ZMAT4: variants seen among roughly 807,000 people sequenced by gnomAD.
The protein encoded by ZMAT4 is zinc finger matrin-type protein 4.
A neutral mutation model predicts 28.7 loss-of-function variants in ZMAT4; 17 were observed. That is an observed-to-expected ratio of 0.59 (90% CI 0.41 to 0.89). The LOEUF (loss-of-function observed/expected upper bound fraction) is 0.89, where lower values mean the gene tolerates loss of function less well. ZMAT4 is among the 40% of genes least tolerant of loss of function. The pLI, the probability that ZMAT4 is intolerant of heterozygous loss-of-function variation, is 0.00. For missense variants in ZMAT4, 240 were observed against 283.8 expected, an observed-to-expected ratio of 0.85 and a Z score of 1.11; for synonymous variants, 117 against 109.2, an observed-to-expected ratio of 1.07 and a Z score of -0.44.
intron 2 of ZMAT4, among the ~76,000 whole-genome samples, chr8:40,794,712 T>G (rs1483681915): frequency 6.6e-6 from 1 of 152,144 alleles, no homozygotes; most frequent in Non-Finnish European, 1.5e-5. Flanking sequence ...CTTTCCCCAG[T>G]GGACACAGGT....
At chr8:40,682,048 G>A (rs115941635) in intron 4 of ZMAT4, among the ~76,000 whole-genome samples, 2,081 of 152,130 alleles carry the variant, frequency 0.014, 48 homozygotes, top group African/African-American at 0.048. Context: ...CTATATATAT[G>A]TATAAAACAA....
intron 5 of ZMAT4, among the ~76,000 whole-genome samples, chr8:40,614,902 A>T (rs1805941033): frequency 6.6e-6 from 1 of 152,186 alleles, no homozygotes; most frequent in Non-Finnish European, 1.5e-5. Context: ...GTGTCTTTTA[A>T]TTGGAGCATT....
chr8:40,571,897 A>C (rs1196680314), intron 6 of ZMAT4, among the ~76,000 whole-genome samples: 1 of 152,182 alleles, frequency 6.6e-6, no homozygotes, highest in African/African-American at 2.4e-5. Context: ...ATGCTTTCTC[A>C]TGAAAAGCAC....
chr8:40,703,015 A>G (rs1810210674), intron 3 of ZMAT4, among the ~76,000 whole-genome samples: 2 of 149,540 alleles, frequency 1.3e-5, no homozygotes, highest in Admixed American at 1.3e-4. Flanking sequence ...GAAATTTACT[A>G]TATATATATA....
chr8:40,581,553 A>G (rs929839929), intron 5 of ZMAT4, among the ~76,000 whole-genome samples: 3 of 152,210 alleles, frequency 2.0e-5, no homozygotes, highest in African/African-American at 7.2e-5. Context: ...ACAGAGATGC[A>G]TTCTATTTTT....
At chr8:40,718,506 ATT>A (rs56787870) in intron 3 of ZMAT4, among the ~76,000 whole-genome samples, 10 of 151,816 alleles carry the variant, frequency 6.6e-5, no homozygotes, top group Non-Finnish European at 1.5e-4. Flanking sequence ...TGCAATTATG[ATT>A]TTTTTTTAAA....
chr8:40,654,394 A>C (rs1211905093), intron 5 of ZMAT4, among the ~76,000 whole-genome samples: 2 of 152,194 alleles, frequency 1.3e-5, no homozygotes, highest in Non-Finnish European at 2.9e-5. Context: ...TCACATACAT[A>C]AAGCTCATGT....
chr8:40,815,112 T>C (rs1004711006), intron 2 of ZMAT4, among the ~76,000 whole-genome samples: 2 of 151,894 alleles, frequency 1.3e-5, no homozygotes, highest in African/African-American at 4.8e-5. Flanking sequence ...CTGTCGCTAT[T>C]AAAAATACAA....
At chr8:40,770,993 A>G (rs1383752052) in intron 2 of ZMAT4, among the ~76,000 whole-genome samples, 1 of 152,158 alleles carries the variant, frequency 6.6e-6, no homozygotes, top group Non-Finnish European at 1.5e-5. Context: ...CTTTCCTACA[A>G]CAAGAAAGTT....
chr8:40,723,418 C>G (rs1401748421), intron 3 of ZMAT4, among the ~76,000 whole-genome samples: 1 of 151,792 alleles, frequency 6.6e-6, no homozygotes, highest in Non-Finnish European at 1.5e-5. Flanking sequence ...TGGCAGGCAC[C>G]TGTAATCCCA....
chr8:40,613,620 G>C (rs1563367062), intron 5 of ZMAT4, among the ~76,000 whole-genome samples: 1 of 152,112 alleles, frequency 6.6e-6, no homozygotes, highest in Non-Finnish European at 1.5e-5. Context: ...CTTCTTATCT[G>C]CTTCTGTATT....
intron 2 of ZMAT4, among the ~76,000 whole-genome samples, chr8:40,792,676 G>GA (rs1814407918): frequency 3.3e-5 from 1 of 30,290 alleles, no homozygotes; most frequent in Non-Finnish European, 6.1e-5. Context: ...GGAGAGGGGA[G>GA]GGGAGGGGAG....
intron 6 of ZMAT4, among the ~76,000 whole-genome samples, chr8:40,541,283 A>C (rs1803019427): frequency 6.6e-6 from 1 of 152,186 alleles, no homozygotes; most frequent in Non-Finnish European, 1.5e-5. Context: ...TACCTTCTAG[A>C]AGCCAAGAGT....
chr8:40,729,083 C>T (rs1470497970), intron 3 of ZMAT4, among the ~76,000 whole-genome samples: 1 of 152,202 alleles, frequency 6.6e-6, no homozygotes, highest in East Asian at 1.9e-4. Context: ...CTTTGTTCAA[C>T]CGTTTTACAT....
chr8:40,543,547 G>T (rs1803108693), intron 6 of ZMAT4, among the ~76,000 whole-genome samples: 1 of 152,180 alleles, frequency 6.6e-6, no homozygotes, highest in Non-Finnish European at 1.5e-5. Context: ...ACAGTGCTGT[G>T]GAGTGTGGTC....
intron 3 of ZMAT4, among the ~76,000 whole-genome samples, chr8:40,753,163 G>T (rs1812529330): frequency 6.8e-6 from 1 of 147,634 alleles, no homozygotes. Context: ...TTGTTTTTCT[G>T]TTCCTGTGTT....
chr8:40,617,376 G>T (rs767554824), intron 5 of ZMAT4, among the ~76,000 whole-genome samples: 2 of 152,264 alleles, frequency 1.3e-5, no homozygotes, highest in South Asian at 2.1e-4. Flanking sequence ...GTATATTTTA[G>T]ACAAGAAGAA....
At chr8:40,865,943 G>A (rs779026636) in intron 1 of ZMAT4, among the ~76,000 whole-genome samples, 3 of 152,206 alleles carry the variant, frequency 2.0e-5, no homozygotes, top group Admixed American at 6.5e-5. Flanking sequence ...CGATGCAAGC[G>A]ACTGGATTCG....
intron 3 of ZMAT4, among the ~76,000 whole-genome samples, chr8:40,729,294 G>C (rs927843179): frequency 1.3e-5 from 2 of 152,156 alleles, no homozygotes; most frequent in Non-Finnish European, 2.9e-5. Flanking sequence ...AATTATCTCT[G>C]TCATATCAAG....
Sources: allele counts gnomAD v4.1 joint callset (sites outside exome capture counted in the v4.1 genomes callset), GRCh38; gene constraint gnomAD v4.1.1; transcripts MANE v1.5; gene names NCBI Gene and HGNC (gene_info 2026-07-23, HGNC 2026-07-21).